The following DIP2A variants were observed in gnomAD, a reference collection of about 807,000 sequenced individuals.
DIP2A encodes disco-interacting protein 2 homolog A.
DIP2A carries 85 observed loss-of-function variants against 177.4 expected under a neutral mutation model. The ratio of observed to expected loss-of-function variants is 0.48; its 90% CI spans 0.40 to 0.57. DIP2A has a LOEUF of 0.57. DIP2A is among the 20% of genes least tolerant of loss of function. DIP2A has a pLI of 0.00. For missense variants in DIP2A, 1,791 were observed against 2,100.2 expected (o/e 0.85, Z 2.88); for synonymous variants, 886 against 881.8 (o/e 1.00, Z -0.08).
At chr21:46,544,346 A>G (rs12483320) in intron 18 of DIP2A, among the ~76,000 whole-genome samples, 18,722 of 152,284 alleles carry the variant, frequency 0.12, 1,559 homozygotes, top group South Asian at 0.22. Context: ...AAATTGAAGA[A>G]CGAGGCAGAC....
chr21:46,534,491 C>A, intron 12 of DIP2A, 94 bp from the exon 13 acceptor site: 1 of 1,228,478 alleles, frequency 8.1e-7, no homozygotes, highest in Non-Finnish European at 1.2e-6. Context: ...GAGACACTGA[C>A]CACTTCTTCT....
At chr21:46,521,804 A>G (rs1322244446) in intron 8 of DIP2A, among the ~76,000 whole-genome samples, 1 of 152,200 alleles carries the variant, frequency 6.6e-6, no homozygotes, top group Non-Finnish European at 1.5e-5. Context: ...ATTTTTCACA[A>G]ACCTTCCACA....
chr21:46,570,249 C>T (rs13048959), downstream of DIP2A, among the ~76,000 whole-genome samples: 26,896 of 152,080 alleles, frequency 0.18, 2,993 homozygotes, highest in Admixed American at 0.25. Flanking sequence ...CTGCTGCCCT[C>T]CAGAAGGGCA....
rs960671758 is a variant in DIP2A, at chr21:46,568,519, TAAAAAA to T, written c.*899_*904del. 1 of 151,736 alleles carries T rather than the reference TAAAAAA, an allele frequency of 6.6e-6. No individual in the cohort carries two copies. The highest frequency in any genetic ancestry group is 6.6e-5 in the Admixed American group (1 of 15,244). The allele number at this position is 151,736 out of a possible 1,614,324, so 9.4% of individuals were successfully genotyped here. On this transcript the variant is annotated 3_prime_UTR_variant, in exon 38 of 38. Transcript: ENST00000417564. Reference sequence around the variant, plus strand: ...TGGGTGACAGCACGAGATGCCGTCTTAAAAAAACAAAAAAGAGGTGTGCTGCTTGTC... The same window carrying T: ...TGGGTGACAGCACGAGATGCCGTCTTACAAAAAAGAGGTGTGCTGCTTGTC...
chr21:46,519,853 A>G (rs140295858), intron 8 of DIP2A, among the ~76,000 whole-genome samples: 1 of 111,740 alleles, frequency 8.9e-6, no homozygotes, highest in Non-Finnish European at 1.8e-5. Flanking sequence ...ATATTGATCT[A>G]GATTTTTTTT....
At chr21:46,582,016 C>T in the DIP2A span, among the ~76,000 whole-genome samples, 1 of 152,202 alleles carries the variant, frequency 6.6e-6, no homozygotes, top group South Asian at 2.1e-4. Context: ...CCAAACTGCC[C>T]AGCCTCTTCA....
chr21:46,462,845 A>T (rs1008209563), intron 1 of DIP2A: 1 of 152,248 alleles, frequency 6.6e-6, no homozygotes, highest in Admixed American at 6.5e-5. Context: ...GCCTTTCTTC[A>T]TACCTCACAC....
At position 46,498,188 on chromosome 21, in the gene DIP2A, CT is replaced by C. The variant is rs1419900153; in HGVS notation, c.404-393del. On this transcript the variant is annotated intron_variant, in intron 4 of 37. Coordinates refer to ENST00000417564, the MANE Select transcript of DIP2A (RefSeq NM_015151.4). This position sits in a 1 kb window ranked among gnomAD's most constrained non-coding sequence, Gnocchi z 4.3. Reference sequence around the variant, plus strand: ...TGTAGGGCCGGGCACAGGCTCTCCCCTGGGTGATGCTGACTGATGTGTGGAT... The same window carrying C: ...TGTAGGGCCGGGCACAGGCTCTCCCCGGGTGATGCTGACTGATGTGTGGAT... Among the ~76,000 whole-genome samples, 3 of 152,180 alleles carry C rather than the reference CT, an allele frequency of 2.0e-5. No homozygotes were observed. The highest frequency in any genetic ancestry group is 4.4e-5 in the Non-Finnish European group (3 of 68,028).
intron 8 of DIP2A, among the ~76,000 whole-genome samples, chr21:46,523,561 A>T (rs66991124): frequency 0.16 from 24,207 of 151,668 alleles, 2,190 homozygotes; most frequent in African/African-American, 0.21. Context: ...GCTTTTTTTT[A>T]AAATTCCTTT....
At chr21:46,477,572 TC>T (rs1284107505) in intron 1 of DIP2A, among the ~76,000 whole-genome samples, 29 of 107,944 alleles carry the variant, frequency 2.7e-4, no homozygotes, top group Non-Finnish European at 3.8e-4. Flanking sequence ...TGTGTGTATT[TC>T]TTTTTTTTTT....
chr21:46,555,868 A>T, intron 28 of DIP2A, 114 bp from the exon 29 acceptor site: 1 of 807,840 alleles, frequency 1.2e-6, no homozygotes, highest in Non-Finnish European at 2.2e-6. Flanking sequence ...GTCTGAGCTC[A>T]CTCTCTGCAG....
At chr21:46,583,292 C>G in the DIP2A span, among the ~76,000 whole-genome samples, 1 of 152,140 alleles carries the variant, frequency 6.6e-6, no homozygotes, top group Non-Finnish European at 1.5e-5. Flanking sequence ...GTCTCACTTT[C>G]TATAATGAAT....
intron 8 of DIP2A, among the ~76,000 whole-genome samples, chr21:46,516,053 A>G (rs558857604): frequency 6.6e-6 from 1 of 152,190 alleles, no homozygotes; most frequent in African/African-American, 2.4e-5. Flanking sequence ...CAATGCAAAG[A>G]TATTGTTTAT....
At chr21:46,522,229 A>C (rs1180375828) in intron 8 of DIP2A, among the ~76,000 whole-genome samples, 4 of 152,252 alleles carry the variant, frequency 2.6e-5, no homozygotes, top group Non-Finnish European at 4.4e-5. Context: ...TTAAGGTCTT[A>C]GTATTTTTAA....
intron 8 of DIP2A, among the ~76,000 whole-genome samples, chr21:46,527,678 A>C (rs1179345767): frequency 6.6e-6 from 1 of 151,380 alleles, no homozygotes; most frequent in Non-Finnish European, 1.5e-5. Flanking sequence ...CACTTATTTC[A>C]TAGTGTTGCA....
rs915724174 is a variant in DIP2A, at chr21:46,537,364, T to C, written c.1707+76T>C. 3 of 1,610,250 alleles carry C rather than the reference T, an allele frequency of 1.9e-6. No individual in the cohort carries two copies. Among genetic ancestry groups the C allele is most frequent in the Non-Finnish European group, 2.5e-6 (3 of 1,176,578 alleles). On this transcript the variant is annotated intron_variant, in intron 14 of 37. Coordinates refer to ENST00000417564, the MANE Select transcript of DIP2A (RefSeq NM_015151.4). The surrounding 1 kb of genome is among the most constrained non-coding windows in gnomAD (Gnocchi z 4.1). ...ACCCAAGCCTCTGCCTGAAATGTTG[T>C]TGGGAGAGTACATCGGTTTTGTTTT...
downstream of DIP2A, among the ~76,000 whole-genome samples, chr21:46,570,113 C>A (rs933309338): frequency 1.3e-5 from 2 of 152,134 alleles, no homozygotes; most frequent in Admixed American, 6.5e-5. Context: ...AGCGTTGTTT[C>A]AACAGGACTG....
Position 46,504,400 on chromosome 21 carries a change from T to C in DIP2A, c.695T>C (p.Val232Ala). Reference protein sequence around the residue: ...SAPPDVTTGLVEHSYFERPQV... With the variant: ...SAPPDVTTGLAEHSYFERPQV... ...CCTCCTGATGTCACCACGGGCCTCG[T>C]GGAGCATTCGTACTTTGAGCGTCCA... The change falls in exon 6 of 38, where the codon GTG becomes GCG. Residue 232 changes from valine to alanine, a missense_variant. By Grantham distance (64) the Val-to-Ala change is moderately conservative. Transcript: ENST00000417564. 6.2e-7 allele frequency: 1 copy of C among 1,613,938 alleles called. No individual in the cohort carries two copies. The highest frequency in any genetic ancestry group is 1.3e-5 in the African/African-American group (1 of 75,064).
chr21:46,570,886 T>C (rs373255589), downstream of DIP2A, among the ~76,000 whole-genome samples: 1 of 152,134 alleles, frequency 6.6e-6, no homozygotes, highest in African/African-American at 2.4e-5. Context: ...AAATTCCAAG[T>C]AAGATGAACT....
Sources: allele counts gnomAD v4.1 joint callset (sites outside exome capture counted in the v4.1 genomes callset), GRCh38; gene constraint gnomAD v4.1.1; non-coding constraint Gnocchi (gnomAD v3.1); transcripts MANE v1.5; gene names NCBI Gene and HGNC (gene_info 2026-07-23, HGNC 2026-07-21).